Variants in TMC4 observed in about 807,000 individuals in gnomAD.
TMC4 encodes the protein transmembrane channel like 4, also known as voltage-gated chloride channel TMC4.
Under a neutral mutation model 82.0 loss-of-function variants are expected in TMC4, and 70 were observed. That is an observed-to-expected ratio of 0.85 (90% confidence interval 0.70 to 1.04). The LOEUF is 1.04. Ranked by LOEUF, TMC4 falls within the 50% of genes least tolerant of loss-of-function variation. The pLI, the probability that TMC4 is intolerant of heterozygous loss-of-function variation, is 0.00. For synonymous variants in TMC4, 446 were observed against 406.0 expected (o/e 1.10, Z -1.18); for missense variants, 879 against 899.0 (o/e 0.98, Z 0.28).
chr19:54,169,900 A>C (rs575063062), intron 2 of TMC4, among the ~76,000 whole-genome samples: 1 of 150,390 alleles, frequency 6.6e-6, no homozygotes, highest in Admixed American at 6.7e-5. Flanking sequence ...GACCAGCCTG[A>C]CCAACATGGT....
chr19:54,167,969 A>G (rs564452707), intron 5 of TMC4, among the ~76,000 whole-genome samples: 163 of 151,240 alleles, frequency 1.1e-3, no homozygotes, highest in African/African-American at 3.9e-3. Flanking sequence ...AGGCTGAGGC[A>G]GGAGAATCGC....
Position 54,168,195 on chromosome 19 carries a change from A to T in TMC4, c.773T>A (p.Ile258Asn), listed in dbSNP as rs1046543259. The part of the protein sequence containing the change: ...YLCWAFAVGL[I>N]CLLLILHRSV... ...CCGATGCAGGATGAGCAGGAGGCAG[A>T]TGAGGCCAACGGCAAAGGCCCAGCA... The change falls in exon 5 of 15, where the codon ATC becomes AAC. Residue 258 changes from isoleucine to asparagine, a missense_variant. Coordinates refer to ENST00000619895, the MANE Select transcript of TMC4 (RefSeq NM_144686.4). 1.2e-6 allele frequency: 2 copies of T among 1,603,564 alleles called. No homozygotes were observed. Among genetic ancestry groups the T allele is most frequent in the Non-Finnish European group, 1.7e-6 (2 of 1,175,066 alleles).
At position 54,169,673 on chromosome 19, in the gene TMC4, CAG is replaced by C. The variant is rs2075837452; in HGVS notation, c.294-15_294-14del. On this transcript the variant is annotated splice_polypyrimidine_tract_variant and intron_variant, in intron 2 of 14. Coordinates refer to ENST00000619895, the MANE Select transcript of TMC4 (RefSeq NM_144686.4). ...GGCATTTCTTTGCCTGGGAGGGAAA[CAG>C]GCAGAAAATGAGGGGTTTCGCAGCC... is the stretch of plus-strand genomic sequence containing the variant. 1 of 1,612,580 alleles carries C rather than the reference CAG, an allele frequency of 6.2e-7. No homozygotes were observed. The highest frequency in any genetic ancestry group is 1.1e-5 in the South Asian group (1 of 90,978).
At chr19:54,164,313 A>G in intron 7 of TMC4, 121 bp downstream of exon 7, 1 of 1,278,496 alleles carries the variant, frequency 7.8e-7, no homozygotes, top group Non-Finnish European at 1.1e-6. Context: ...GGGTCCGAAC[A>G]TACCCTCTCC....
chr19:54,172,025 T>C lies in TMC4; in HGVS notation c.138A>G (p.Arg46=). 6.2e-7 allele frequency: 1 copy of C among 1,613,166 alleles called. No homozygotes were observed. The highest frequency in any genetic ancestry group is 1.1e-5 in the South Asian group (1 of 90,962). ...ELPSAATLRY[R]DPGVLPWGAL... Reference sequence around the variant, plus strand: ...CCCCCCAAGGCAGCACCCCAGGGTCTCGGTACCGAAGGGTGGCAGCACTGG... The same window carrying C: ...CCCCCCAAGGCAGCACCCCAGGGTCCCGGTACCGAAGGGTGGCAGCACTGG... Residue 46 remains arginine, a synonymous_variant, in exon 2 of 15, where the codon CGA becomes CGG. Coordinates refer to ENST00000619895, the MANE Select transcript of TMC4 (RefSeq NM_144686.4).
intron 6 of TMC4, 49 bp downstream of exon 6, chr19:54,165,370 G>C (rs549594655): frequency 2.0e-6 from 3 of 1,535,250 alleles, no homozygotes; most frequent in Non-Finnish European, 2.6e-6. Flanking sequence ...ATCTCAGCCC[G>C]GTCCTGTCTG....
At chr19:54,168,804 TTTCTTTTC>T (rs2075779312) in intron 3 of TMC4, 124 bp from the exon 4 acceptor site, 2 of 71,778 alleles carry the variant, frequency 2.8e-5, no homozygotes, top group African/African-American at 5.8e-4. Context: ...TTTCTTTTCT[TTTCTTTTC>T]TTTTCTTTTC....
chr19:54,169,472 C>T (rs1252354576), intron 3 of TMC4, 40 bp downstream of exon 3: 2 of 1,587,672 alleles, frequency 1.3e-6, no homozygotes, highest in South Asian at 2.3e-5. Flanking sequence ...CCCAGGAGTC[C>T]AGGCCCTGCC....
At chr19:54,172,767 G>A in intron 1 of TMC4, 1 of 420,634 alleles carries the variant, frequency 2.4e-6, no homozygotes, top group Admixed American at 4.2e-5. Context: ...GCTCAGGAGT[G>A]TGGGAACCCA....
At position 54,163,726 on chromosome 19, in the gene TMC4, G is replaced by T. The variant is rs1490624770; in HGVS notation, c.1275C>A (p.Leu425=). 1 of 1,613,888 alleles carries T rather than the reference G, an allele frequency of 6.2e-7. No homozygotes were observed. Among genetic ancestry groups the T allele is most frequent in the Non-Finnish European group, 8.5e-7 (1 of 1,180,014 alleles). Residue 425 remains leucine, a splice_region_variant and synonymous_variant, in exon 8 of 15, where the codon CTC becomes CTA. Coordinates refer to ENST00000619895, the MANE Select transcript of TMC4 (RefSeq NM_144686.4). The part of the protein sequence containing the change: ...TRSRQIVFIL[L]RTVFLRLASL... ...AGCCATCCCCGTGAGGCTGGAACCT[G>T]AGCAGGATAAAAACGATCTGGCGAC...
intron 5 of TMC4, among the ~76,000 whole-genome samples, chr19:54,166,238 G>A (rs2075700278): frequency 6.6e-6 from 1 of 151,180 alleles, no homozygotes; most frequent in Non-Finnish European, 1.5e-5. Context: ...AATTAGCCAG[G>A]CGTGGTGGTG....
rs1480457979 is a variant in TMC4, at chr19:54,163,142, A to C, written c.1295T>G (p.Leu432Arg). The change falls in exon 9 of 15, where the codon CTC becomes CGC. Residue 432 changes from leucine (L) to arginine (R), a missense_variant. Transcript: ENST00000619895. ...FILLRTVFLRLASLVVLLFSL... is the reference protein window; with the variant it reads ...FILLRTVFLRRASLVVLLFSL... ...GAAGAGCAGGACCACCAGGGAGGCGAGGCGAAGAAACACGGTCCTGAAGGG... is the reference window on the plus strand; with the variant it reads ...GAAGAGCAGGACCACCAGGGAGGCGCGGCGAAGAAACACGGTCCTGAAGGG... 2.5e-6 allele frequency: 4 copies of C among 1,613,778 alleles called. No individual in the cohort carries two copies. The African/African-American group carries it at 5.3e-5, about 22-fold the overall frequency.
chr19:54,168,134 C>T (rs1424027143), intron 5 of TMC4, 37 bp downstream of exon 5: 6 of 1,574,946 alleles, frequency 3.8e-6, no homozygotes, highest in Non-Finnish European at 5.2e-6. Flanking sequence ...CACCCCAACC[C>T]GTCCCGTCAG....
chr19:54,168,419 G>A, intron 4 of TMC4, 29 bp downstream of exon 4: 1 of 1,525,576 alleles, frequency 6.6e-7, no homozygotes. Context: ...CAGGTGGGCG[G>A]GGAATCCCCC....
chr19:54,164,737 C>T, intron 6 of TMC4, 136 bp from the exon 7 acceptor site: 1 of 1,200,438 alleles, frequency 8.3e-7, no homozygotes, highest in Admixed American at 2.2e-5. Flanking sequence ...ACAACCTCTG[C>T]AGTCCTGGTT....
chr19:54,161,122 G>T lies in TMC4; in HGVS notation c.1817+8C>A, dbSNP rs760628926. Reference sequence around the variant, plus strand: ...GGAGGGAGAGAGGCGGGAGCCTCTCGCACTTACAGGAAGATGCTGTAAAGC... The same window carrying T: ...GGAGGGAGAGAGGCGGGAGCCTCTCTCACTTACAGGAAGATGCTGTAAAGC... On this transcript the variant is annotated splice_region_variant and intron_variant, in intron 12 of 14. Coordinates refer to ENST00000619895, the MANE Select transcript of TMC4 (RefSeq NM_144686.4). 6.3e-7 allele frequency: 1 copy of T among 1,583,720 alleles called. No homozygotes were observed.
In TMC4 at chr19:54,165,437, G is replaced by A; in HGVS notation, c.927C>T (p.Ile309=). 1.2e-6 allele frequency: 2 copies of A among 1,608,688 alleles called. No homozygotes were observed. Among genetic ancestry groups the A allele is most frequent in the South Asian group, 2.2e-5 (2 of 90,882 alleles). The change falls in exon 6 of 15, where the codon ATC becomes ATT. Residue 309 remains isoleucine, a synonymous_variant. Coordinates refer to ENST00000619895, the MANE Select transcript of TMC4 (RefSeq NM_144686.4). ...GDVHVRLRQR[I]ILYELKVELE... ...ATCGCACCTTTAATTCGTACAAGAT[G>A]ATGCGCTGGCGCAGCCGCACGTGGA... is the stretch of plus-strand genomic sequence containing the variant.
chr19:54,162,705 C>T lies in TMC4; in HGVS notation c.1470G>A (p.Leu490=), dbSNP rs779729632. Residue 490 remains leucine (L), a synonymous_variant, in exon 10 of 15, where the codon TTG becomes TTA. Coordinates refer to ENST00000619895, the MANE Select transcript of TMC4 (RefSeq NM_144686.4). ...GAAACTGGATGAGCAGCGCGACTGC[C>T]AAGACAGTCAGCAGATCAAAGAGCA... ...KLLLFDLLTV[L]AVALLIQFPR... 1.2e-6 allele frequency: 2 copies of T among 1,613,882 alleles called. No homozygotes were observed. The highest frequency in any genetic ancestry group is 1.1e-5 in the South Asian group (1 of 91,066).
intron 7 of TMC4, 38 bp from the exon 8 acceptor site, chr19:54,163,925 C>T: frequency 6.2e-7 from 1 of 1,605,344 alleles, no homozygotes; most frequent in Non-Finnish European, 8.5e-7. Flanking sequence ...GGCTTGGGGT[C>T]CTGGAGGAGC....
Sources: allele counts gnomAD v4.1 joint callset (sites outside exome capture counted in the v4.1 genomes callset), GRCh38; gene constraint gnomAD v4.1.1; transcripts MANE v1.5; gene names NCBI Gene and HGNC (gene_info 2026-07-23, HGNC 2026-07-21).